Variants in SNTB1 observed in about 807,000 individuals in gnomAD.
SNTB1 encodes syntrophin beta 1, also known as beta-1-syntrophin.
In SNTB1, 36 loss-of-function variants were observed where a neutral mutation model predicts 48.9. That is an observed-to-expected ratio of 0.74 (90% CI 0.56 to 0.97). The LOEUF (loss-of-function observed/expected upper bound fraction) is 0.97, where lower values mean the gene tolerates loss of function less well. Among genes scored for constraint, SNTB1 ranks in the 50% least tolerant of loss-of-function variants. The pLI is 0.00. For missense variants in SNTB1, 786 were observed against 703.4 expected, an observed-to-expected ratio of 1.12 and a Z score of -1.33; for synonymous variants, 299 against 294.6, an observed-to-expected ratio of 1.01 and a Z score of -0.15.
chr8:120,542,558 G>T (rs535246923), intron 5 of SNTB1, among the ~76,000 whole-genome samples: 6 of 152,288 alleles, frequency 3.9e-5, no homozygotes, highest in Middle Eastern at 3.4e-3. Flanking sequence ...GGAGGCTGAG[G>T]CAGGAGAATG....
At chr8:120,586,228 A>C (rs980005903) in intron 3 of SNTB1, among the ~76,000 whole-genome samples, 11 of 152,266 alleles carry the variant, frequency 7.2e-5, no homozygotes, top group Non-Finnish European at 1.5e-4. Context: ...CAGTGTTTCA[A>C]GAGAAGCCAG....
At chr8:120,687,984 T>G (rs1156792359) in intron 2 of SNTB1, among the ~76,000 whole-genome samples, 1 of 152,212 alleles carries the variant, frequency 6.6e-6, no homozygotes, top group Non-Finnish European at 1.5e-5. Context: ...TGTAGCAACA[T>G]ATCCAGGCAT....
chr8:120,662,607 G>A (rs1172839714), intron 2 of SNTB1, among the ~76,000 whole-genome samples: 1 of 152,100 alleles, frequency 6.6e-6, no homozygotes, highest in African/African-American at 2.4e-5. Context: ...TGCTGCCAGG[G>A]AGACCTTCTG....
chr8:120,786,614 C>T (rs117077427), intron 1 of SNTB1, among the ~76,000 whole-genome samples: 1 of 152,234 alleles, frequency 6.6e-6, no homozygotes, highest in East Asian at 1.9e-4. Context: ...ACAATCCCTC[C>T]CTACACAGAA....
intron 1 of SNTB1, among the ~76,000 whole-genome samples, chr8:120,724,909 G>A (rs1186774628): frequency 6.6e-6 from 1 of 152,162 alleles, no homozygotes; most frequent in African/African-American, 2.4e-5. Flanking sequence ...TGCAGGGTAG[G>A]GGAGTACAAG....
At chr8:120,667,100 C>CTTCTT (rs369643292) in intron 2 of SNTB1, among the ~76,000 whole-genome samples, 50 of 140,676 alleles carry the variant, frequency 3.6e-4, no homozygotes, top group East Asian at 8.5e-4. Flanking sequence ...TCTCTCTCTT[C>CTTCTT]TTTTTTTTTT....
At chr8:120,592,866 GCCGGTGAATCTGCTGTATACA>G (rs1164830750) in intron 3 of SNTB1, among the ~76,000 whole-genome samples, 2 of 152,130 alleles carry the variant, frequency 1.3e-5, no homozygotes, top group Non-Finnish European at 2.9e-5. Context: ...AGGTAACAGG[GCCGGTGAATCTGCTGTATACA>G]CCTGGAATAA....
At chr8:120,540,665 A>G (rs916445554) in intron 6 of SNTB1, among the ~76,000 whole-genome samples, 1 of 152,220 alleles carries the variant, frequency 6.6e-6, no homozygotes, top group South Asian at 2.1e-4. Context: ...TGATTGAAAC[A>G]TACAAACAAA....
rs765901308 is a variant in SNTB1 at position 120,548,754 on chromosome 8, G to A, written c.1333+8C>T. The A allele has an allele frequency of 5.0e-6, 8 of 1,613,542 alleles. No individual in the cohort carries two copies. Among genetic ancestry groups the A allele is most frequent in the Non-Finnish European group, 6.8e-6 (8 of 1,179,506 alleles). On this transcript the variant is annotated splice_region_variant and intron_variant, in intron 5 of 6. Coordinates refer to ENST00000517992, the MANE Select transcript of SNTB1 (RefSeq NM_021021.4). ...AATGTGTCCTTGGTAGCTCACTGCA[G>A]TACTCACCAGTGCTGATTTCAGCAA...
chr8:120,560,949 T>A (rs1401992208), intron 4 of SNTB1, among the ~76,000 whole-genome samples: 4 of 152,108 alleles, frequency 2.6e-5, no homozygotes, highest in African/African-American at 7.2e-5. Context: ...AACCCACGGC[T>A]ATATGACTAC....
chr8:120,707,804 C>G (rs948561524), intron 1 of SNTB1, among the ~76,000 whole-genome samples: 6 of 152,092 alleles, frequency 3.9e-5, no homozygotes, highest in African/African-American at 1.2e-4. Context: ...AATAATACAT[C>G]TACTTCAAGT....
rs569633683 is a variant in SNTB1 at position 120,722,524 on chromosome 8, T to G, written c.572-28616A>C. 3.9e-5 allele frequency among the ~76,000 whole-genome samples: 6 copies of G among 152,356 alleles called. No homozygotes were observed. The East Asian group carries it at 7.7e-4, about 20-fold the overall frequency. ...ACGATGAGCATTTTTTCATGTGTCT[T>G]TCGGCTGCATAAATGTCTTCTTTTG... On this transcript the variant is annotated intron_variant, in intron 1 of 6. Transcript: ENST00000517992.
chr8:120,780,491 A>G (rs1285888003), intron 1 of SNTB1, among the ~76,000 whole-genome samples: 1 of 152,208 alleles, frequency 6.6e-6, no homozygotes, highest in East Asian at 1.9e-4. Context: ...CTTTTCTAAA[A>G]TATGTTTTCC....
chr8:120,746,898 G>A (rs1010640491), intron 1 of SNTB1, among the ~76,000 whole-genome samples: 29 of 152,222 alleles, frequency 1.9e-4, no homozygotes, highest in Non-Finnish European at 3.7e-4. Flanking sequence ...TTTATCCTAA[G>A]GAAATCAGTA....
At chr8:120,604,886 C>G (rs1330807655) in intron 3 of SNTB1, among the ~76,000 whole-genome samples, 1 of 152,206 alleles carries the variant, frequency 6.6e-6, no homozygotes, top group Non-Finnish European at 1.5e-5. Context: ...GCAATTGTTT[C>G]CAGTAAGATG....
chr8:120,811,237 G>A, intron 1 of SNTB1, 36 bp downstream of exon 1: 1 of 1,547,410 alleles, frequency 6.5e-7, no homozygotes, highest in Non-Finnish European at 8.7e-7. Flanking sequence ...AGGTGTGTGC[G>A]CGCCCGGCGC....
intron 3 of SNTB1, among the ~76,000 whole-genome samples, chr8:120,577,203 C>A (rs1319689570): frequency 6.6e-6 from 1 of 152,176 alleles, no homozygotes; most frequent in East Asian, 1.9e-4. Context: ...TATTTTAATG[C>A]CTCCCTTCCA....
At chr8:120,687,696 G>C (rs563480844) in intron 2 of SNTB1, among the ~76,000 whole-genome samples, 142 of 152,228 alleles carry the variant, frequency 9.3e-4, no homozygotes, top group Non-Finnish European at 1.6e-3. Flanking sequence ...CATTGTTTTG[G>C]GTTATTAATA....
intron 1 of SNTB1, among the ~76,000 whole-genome samples, chr8:120,750,116 A>ATCCC (rs1278429809): frequency 6.7e-6 from 1 of 149,828 alleles, no homozygotes; most frequent in South Asian, 2.1e-4. Flanking sequence ...AAAGTGAATA[A>ATCCC]TCCCTCCCTC....
Sources: allele counts gnomAD v4.1 joint callset (sites outside exome capture counted in the v4.1 genomes callset), GRCh38; gene constraint gnomAD v4.1.1; transcripts MANE v1.5; gene names NCBI Gene and HGNC (gene_info 2026-07-23, HGNC 2026-07-21).